ITPR2: variants seen among roughly 807,000 people sequenced by gnomAD.
ITPR2 encodes the protein inositol 1,4,5-trisphosphate receptor type 2, also known as inositol 1,4,5-trisphosphate-gated calcium channel ITPR2.
In ITPR2, 207 loss-of-function variants were observed where a neutral mutation model predicts 317.1. That is an observed-to-expected ratio of 0.65 (90% CI 0.58 to 0.73). ITPR2 has a LOEUF of 0.73. Among genes scored for constraint, ITPR2 ranks in the 30% least tolerant of loss-of-function variants. The probability of loss-of-function intolerance (pLI) is 0.00; values close to 1 mark genes in which losing one functional copy is unlikely to be tolerated. For missense variants in ITPR2, 2,613 were observed against 3,284.0 expected (o/e 0.80, Z 4.99); for synonymous variants, 1,156 against 1,149.1 (o/e 1.01, Z -0.12).
Position 26,716,242 on chromosome 12 carries a change from T to C in ITPR2, c.526A>G (p.Ile176Val). Residue 176 changes from isoleucine (I) to valine (V), a missense_variant and splice_region_variant, in exon 6 of 57, where the codon ATT becomes GTT. Ile to Val is a conservative substitution (Grantham distance 29, BLOSUM62 3). This residue lies in a region of ITPR2 where 515 missense variants were observed against 789.4 expected (regional missense o/e 0.65). Transcript: ENST00000381340. ...AAAACAACTTTATCTCCTACAACAA[T>C]CTAGGAAGCAGAAATAAATCACAAT... The part of the protein sequence containing the change: ...FWKLRSEGDN[I>V]VVGDKVVLMP... The C allele has an allele frequency of 6.2e-7, 1 of 1,600,138 alleles. No individual in the cohort carries two copies. The highest frequency in any genetic ancestry group is 8.6e-7 in the Non-Finnish European group (1 of 1,168,060).
At chr12:26,580,686 A>T (rs1945383975) in intron 32 of ITPR2, among the ~76,000 whole-genome samples, 1 of 152,196 alleles carries the variant, frequency 6.6e-6, no homozygotes, top group Non-Finnish European at 1.5e-5. Flanking sequence ...TGATGTTATC[A>T]TCCATGGATT....
At chr12:26,454,394 TGG>T (rs1158618752) in intron 45 of ITPR2, among the ~76,000 whole-genome samples, 10 of 152,124 alleles carry the variant, frequency 6.6e-5, no homozygotes, top group Middle Eastern at 3.4e-3. Context: ...TTAGTAGAGA[TGG>T]GGTTTCACCA....
At chr12:26,830,831 A>G (rs771273314) in intron 1 of ITPR2, among the ~76,000 whole-genome samples, 2 of 152,210 alleles carry the variant, frequency 1.3e-5, no homozygotes, top group Non-Finnish European at 2.9e-5. Flanking sequence ...TAGCTAACAC[A>G]TCAGTGCTTA....
In ITPR2 at chr12:26,338,486, C is replaced by T. The variant is rs1937994312; in HGVS notation, c.*911G>A. The T allele has an allele frequency of 6.5e-6, 1 of 152,710 alleles. No homozygotes were observed. The highest frequency in any genetic ancestry group is 1.9e-4 in the East Asian group (1 of 5,188). 9.5% of individuals were successfully genotyped at this position (152,710 alleles called of 1,614,324 possible). A position where few individuals can be genotyped will look rare whatever the true frequency, so the allele number is the denominator to read the frequency against. ...ACGTTGAGTCAAATGGCTTTCACTCCATGTTTATAAAAGGCAATGCCACCA... is the reference window on the plus strand; with the variant it reads ...ACGTTGAGTCAAATGGCTTTCACTCTATGTTTATAAAAGGCAATGCCACCA... On this transcript the variant is annotated 3_prime_UTR_variant, in exon 57 of 57. Coordinates refer to ENST00000381340, the MANE Select transcript of ITPR2 (RefSeq NM_002223.4).
intron 45 of ITPR2, among the ~76,000 whole-genome samples, chr12:26,447,804 T>C (rs1309151493): frequency 1.3e-5 from 2 of 152,034 alleles, no homozygotes; most frequent in African/African-American, 2.4e-5. Flanking sequence ...CACAATACAA[T>C]GTCTTAGAGA....
chr12:26,662,948 G>A (rs1012580555), intron 15 of ITPR2, among the ~76,000 whole-genome samples: 3 of 152,118 alleles, frequency 2.0e-5, no homozygotes, highest in African/African-American at 7.2e-5. Context: ...TGGGATTACA[G>A]GCTTGAGCCA....
intron 45 of ITPR2, among the ~76,000 whole-genome samples, chr12:26,468,354 AATGT>A (rs1301888658): frequency 6.6e-6 from 1 of 152,206 alleles, no homozygotes; most frequent in African/African-American, 2.4e-5. Context: ...GGCAAAGAGT[AATGT>A]ATAAAATTAA....
intron 21 of ITPR2, among the ~76,000 whole-genome samples, chr12:26,653,404 G>A (rs1457186418): frequency 1.3e-5 from 2 of 152,064 alleles, no homozygotes; most frequent in Non-Finnish European, 2.9e-5. Flanking sequence ...ACCATGCCCA[G>A]CTAATTTTTG....
intron 8 of ITPR2, among the ~76,000 whole-genome samples, chr12:26,712,015 A>T (rs1233074231): frequency 1.3e-5 from 2 of 152,168 alleles, no homozygotes; most frequent in African/African-American, 4.8e-5. Context: ...CTGGGAATGA[A>T]TGCAGTAGAA....
chr12:26,466,491 C>A (rs561800877), intron 45 of ITPR2, among the ~76,000 whole-genome samples: 56 of 152,290 alleles, frequency 3.7e-4, no homozygotes, highest in South Asian at 2.7e-3. Context: ...GCTAATTATA[C>A]ACATGCATTT....
rs1937954660 is a variant in ITPR2 at position 26,337,426 on chromosome 12, C to T, written c.*1971G>A. On this transcript the variant is annotated 3_prime_UTR_variant, in exon 57 of 57. Transcript: ENST00000381340. Reference sequence around the variant, plus strand: ...TCTTCTATTCTCTATCCATAAAACTCTGCCTGATTAAAATATTTTAAAGTG... The same window carrying T: ...TCTTCTATTCTCTATCCATAAAACTTTGCCTGATTAAAATATTTTAAAGTG... 6.6e-6 allele frequency: 1 copy of T among 152,188 alleles called. No individual in the cohort carries two copies. Among genetic ancestry groups the T allele is most frequent in the African/African-American group, 2.4e-5 (1 of 41,452 alleles). The allele number at this position is 152,188 out of a possible 1,614,324, so 9.4% of individuals were successfully genotyped here. A position where few individuals can be genotyped will look rare whatever the true frequency, so the allele number is the denominator to read the frequency against.
Position 26,656,407 on chromosome 12 carries a change from G to A in ITPR2, c.2334C>T (p.Phe778=). 1 of 1,614,248 alleles carries A rather than the reference G, an allele frequency of 6.2e-7. No individual in the cohort carries two copies. Among genetic ancestry groups the A allele is most frequent in the Non-Finnish European group, 8.5e-7 (1 of 1,180,050 alleles). The change falls in exon 19 of 57, where the codon TTC becomes TTT. Residue 778 remains phenylalanine, a synonymous_variant. Transcript: ENST00000381340. The part of the protein sequence containing the change: ...ESLPFDLRAS[F]CRLMLHMHVD... ...CGTGCATGTGGAGCATGAGGCGACA[G>A]AAGGACGCTCGGAGGTCGAACGGCA...
In ITPR2 at chr12:26,506,484, G is replaced by C. The variant is rs966576287; in HGVS notation, c.5074-11224C>G. Among the ~76,000 whole-genome samples, 3 of 147,534 alleles carry C rather than the reference G, an allele frequency of 2.0e-5. No homozygotes were observed. The Admixed American group carries it at 2.0e-4, about 10-fold the overall frequency. On this transcript the variant is annotated intron_variant, in intron 37 of 56. Transcript: ENST00000381340. The stretch of plus-strand genomic sequence containing the variant: ...GATTGCACACTGCACTCCAGCCTGG[G>C]AGACCCTGTCCAGCCTGGGAGTAGG...
At chr12:26,510,006 T>TGTGG (rs1206324971) in intron 37 of ITPR2, among the ~76,000 whole-genome samples, 1 of 32,318 alleles carries the variant, frequency 3.1e-5, no homozygotes, top group Non-Finnish European at 5.7e-5. Context: ...GTGTGTGTGG[T>TGTGG]GGGGGGTGGG....
chr12:26,547,699 G>C (rs1944423408), intron 37 of ITPR2, among the ~76,000 whole-genome samples: 2 of 152,172 alleles, frequency 1.3e-5, no homozygotes, highest in Admixed American at 6.5e-5. Context: ...ATGAATATAT[G>C]TGCAATGGAA....
chr12:26,833,091 C>T lies in ITPR2; in HGVS notation c.-310G>A, dbSNP rs1181893995. ...TTCCTTTCTGAAGTTTTCTCTCCAACACCTTTGCTCCTCCTCCTCCTCCTT... is the reference window on the plus strand; with the variant it reads ...TTCCTTTCTGAAGTTTTCTCTCCAATACCTTTGCTCCTCCTCCTCCTCCTT... On this transcript the variant is annotated 5_prime_UTR_variant, in exon 1 of 57. Coordinates refer to ENST00000381340, the MANE Select transcript of ITPR2 (RefSeq NM_002223.4). The T allele has an allele frequency of 5.8e-6, 2 of 343,520 alleles. No homozygotes were observed. The highest frequency in any genetic ancestry group is 1.1e-5 in the Non-Finnish European group (2 of 190,416). The allele number at this position is 343,520 out of a possible 1,614,324, so 21.3% of individuals were successfully genotyped here.
chr12:26,561,825 T>C lies in ITPR2; in HGVS notation c.4758A>G (p.Pro1586=), dbSNP rs1944828083. 2 of 1,595,542 alleles carry C rather than the reference T, an allele frequency of 1.3e-6. No homozygotes were observed. The change falls in exon 35 of 57, where the codon CCA becomes CCG. Residue 1586 remains proline, a synonymous_variant. Transcript: ENST00000381340. Reference sequence around the variant, plus strand: ...GCCCTCCAAGAGCTTCCTTAAAGCGTGGCCCAGAGCGAGCTGATAGTCTCC... The same window carrying C: ...GCCCTCCAAGAGCTTCCTTAAAGCGCGGCCCAGAGCGAGCTGATAGTCTCC... ...MGWRLSARSG[P]RFKEALGGPA...
intron 46 of ITPR2, among the ~76,000 whole-genome samples, chr12:26,440,310 T>C (rs913328418): frequency 1.3e-5 from 2 of 152,156 alleles, no homozygotes; most frequent in Non-Finnish European, 2.9e-5. Context: ...TCTTTCTTCT[T>C]GCTTAGAACA....
chr12:26,631,315 GTTATT>G (rs919143878), intron 22 of ITPR2, among the ~76,000 whole-genome samples: 2 of 152,100 alleles, frequency 1.3e-5, no homozygotes, highest in Non-Finnish European at 2.9e-5. Flanking sequence ...ATTAGACTAG[GTTATT>G]TTTTCTAGTT....
Sources: gnomAD v4.1 joint callset for allele counts (sites outside exome capture counted in the v4.1 genomes callset) on GRCh38, gnomAD v4.1.1 for gene constraint, gnomAD v4.1.1 regional missense constraint, MANE v1.5 for transcripts, NCBI Gene and HGNC (gene_info 2026-07-23, HGNC 2026-07-21) for gene names.